Variants in DLGAP1 observed in about 807,000 individuals in gnomAD.
The protein encoded by DLGAP1 is disks large-associated protein 1.
A neutral mutation model predicts 90.8 loss-of-function variants in DLGAP1; 11 were observed. The observed-to-expected ratio is 0.12, with a 90% CI of 0.08 to 0.20. The LOEUF (loss-of-function observed/expected upper bound fraction) is 0.20. DLGAP1 is among the 10% of genes least tolerant of loss of function. DLGAP1 has a pLI of 1.00. For synonymous variants in DLGAP1, 558 were observed against 540.7 expected, an observed-to-expected ratio of 1.03 and a Z score of -0.44; for missense variants, 1,050 against 1,333.8, an observed-to-expected ratio of 0.79 and a Z score of 3.31.
In DLGAP1 at chr18:3,860,991, T is replaced by C. The variant is rs112019208; in HGVS notation, c.957+18121A>G. On this transcript the variant is annotated intron_variant, in intron 4 of 12. Coordinates refer to ENST00000315677, the MANE Select transcript of DLGAP1 (RefSeq NM_004746.4). Reference sequence around the variant, plus strand: ...TAAACTTCCCTATTCTTTGTTCAGATACCTTTATGCTTCTCCCTTTGCCCA... The same window carrying C: ...TAAACTTCCCTATTCTTTGTTCAGACACCTTTATGCTTCTCCCTTTGCCCA... Among the ~76,000 whole-genome samples the C allele has an allele frequency of 3.5e-3, 540 of 152,358 alleles. 1 individual carries two copies. The highest frequency in any genetic ancestry group is 0.012 in the African/African-American group (513 of 41,580).
chr18:4,015,762 G>C (rs2074512204), intron 2 of DLGAP1, among the ~76,000 whole-genome samples: 1 of 152,086 alleles, frequency 6.6e-6, no homozygotes, highest in Non-Finnish European at 1.5e-5. Flanking sequence ...CTTTGCTTCG[G>C]CTTTTAGGAA....
At chr18:3,594,628 C>T (rs2056475202) in intron 7 of DLGAP1, 1 of 152,100 alleles carries the variant, frequency 6.6e-6, no homozygotes, top group South Asian at 2.1e-4. Flanking sequence ...AGGGTTAAAC[C>T]TCTGGGTTGG....
chr18:4,180,406 C>T (rs1191820741), intron 1 of DLGAP1, among the ~76,000 whole-genome samples: 1 of 152,044 alleles, frequency 6.6e-6, no homozygotes, highest in Non-Finnish European at 1.5e-5. Flanking sequence ...TTACACTTTC[C>T]CAAAATTCCA....
At chr18:3,671,880 C>T (rs542364881) in intron 7 of DLGAP1, among the ~76,000 whole-genome samples, 1 of 152,276 alleles carries the variant, frequency 6.6e-6, no homozygotes, top group Non-Finnish European at 1.5e-5. Flanking sequence ...ATCATGCACC[C>T]CCTTGGGCAA....
intron 2 of DLGAP1, among the ~76,000 whole-genome samples, chr18:4,062,050 C>T (rs1039680938): frequency 6.6e-6 from 1 of 152,074 alleles, no homozygotes; most frequent in South Asian, 2.1e-4. Context: ...AATTAAGTAG[C>T]CAAAGTAATC....
intron 1 of DLGAP1, among the ~76,000 whole-genome samples, chr18:4,223,822 A>C (rs544981165): frequency 1.2e-4 from 18 of 152,356 alleles, no homozygotes; most frequent in African/African-American, 3.8e-4. Flanking sequence ...ACAGAGAAGT[A>C]GTCCAAAGAG....
At chr18:4,156,528 C>G (rs562329284) in intron 1 of DLGAP1, among the ~76,000 whole-genome samples, 1 of 152,160 alleles carries the variant, frequency 6.6e-6, no homozygotes, top group South Asian at 2.1e-4. Flanking sequence ...TGCAAGACAC[C>G]ATATCATACT....
chr18:4,064,557 TA>T (rs35796391), intron 2 of DLGAP1, among the ~76,000 whole-genome samples: 29,807 of 151,870 alleles, frequency 0.2, 2,932 homozygotes, highest in South Asian at 0.23. Context: ...CAGAGACTAT[TA>T]TGAACACCTT....
At chr18:4,138,848 C>T (rs1258656895) in intron 2 of DLGAP1, among the ~76,000 whole-genome samples, 2 of 151,840 alleles carry the variant, frequency 1.3e-5, no homozygotes, top group African/African-American at 4.8e-5. Context: ...TTTTGAAATT[C>T]TTCATGGTTC....
At chr18:3,900,324 C>T (rs2071753060) in intron 3 of DLGAP1, among the ~76,000 whole-genome samples, 1 of 152,218 alleles carries the variant, frequency 6.6e-6, no homozygotes, top group African/African-American at 2.4e-5. Context: ...TTCTCATCAG[C>T]TCCCTCCTCA....
rs868336971 is a variant in DLGAP1 at position 4,079,334 on chromosome 18, C to T, written c.-159+71846G>A. ...ACACACACACACACACACACACACA[C>T]ACCATGGAATACTAGTCAGCATACA... On this transcript the variant is annotated intron_variant, in intron 2 of 12. Transcript: ENST00000315677. Among the ~76,000 whole-genome samples, 10 of 134,434 alleles carry T rather than the reference C, an allele frequency of 7.4e-5. No individual in the cohort carries two copies. In the Admixed American group the frequency reaches 7.6e-4, roughly 10 times the overall value. 88.2% of individuals were successfully genotyped at this position (134,434 alleles called of 152,430 possible).
chr18:4,417,693 T>C (rs1357790773), intron 1 of DLGAP1, among the ~76,000 whole-genome samples: 1 of 151,974 alleles, frequency 6.6e-6, no homozygotes, highest in African/African-American at 2.4e-5. Flanking sequence ...AAAAAACCAA[T>C]TTCAGCTGAG....
intron 1 of DLGAP1, among the ~76,000 whole-genome samples, chr18:4,305,082 T>TG (rs2080216595): frequency 6.6e-6 from 1 of 152,142 alleles, no homozygotes; most frequent in African/African-American, 2.4e-5. Context: ...AAACAATATT[T>TG]TTGTTCCTAT....
intron 1 of DLGAP1, among the ~76,000 whole-genome samples, chr18:4,432,608 G>A (rs945079249): frequency 9.9e-5 from 15 of 151,912 alleles, no homozygotes; most frequent in Non-Finnish European, 1.5e-5. Context: ...GTGTGTGTGT[G>A]TGTGTGTGTG....
chr18:4,222,499 C>T (rs1521425), intron 1 of DLGAP1, among the ~76,000 whole-genome samples: 79,572 of 151,910 alleles, frequency 0.52, 21,310 homozygotes, highest in East Asian at 0.8. Flanking sequence ...GTTTGCTTTT[C>T]AGGTGATTCA....
intron 1 of DLGAP1, among the ~76,000 whole-genome samples, chr18:4,268,329 T>A (rs888431788): frequency 2.0e-5 from 3 of 152,366 alleles, no homozygotes; most frequent in Admixed American, 6.5e-5. Flanking sequence ...CAGTATTTTT[T>A]AATAATTTTA....
rs35653599 is a variant in DLGAP1, at chr18:3,664,183, T to TACACACACACAC, written c.1591+64940_1591+64951dup. On this transcript the variant is annotated intron_variant, in intron 7 of 12. Transcript: ENST00000315677. Reference sequence around the variant, plus strand: ...CAGCCTCCATAATTATGGGTCAGTATACACACACACACACACACACACACA... The same window carrying TACACACACACAC: ...CAGCCTCCATAATTATGGGTCAGTATACACACACACACACACACACACACACACACACACACA... Among the ~76,000 whole-genome samples the TACACACACACAC allele has an allele frequency of 8.8e-5, 12 of 135,740 alleles. No individual in the cohort carries two copies. In the East Asian group the frequency reaches 2.3e-3, roughly 26 times the overall value. 89.1% of individuals were successfully genotyped at this position (135,740 alleles called of 152,430 possible). A position where few individuals can be genotyped will look rare whatever the true frequency, so the allele number is the denominator to read the frequency against.
chr18:4,077,591 G>C (rs1253472850), intron 2 of DLGAP1, among the ~76,000 whole-genome samples: 6 of 152,214 alleles, frequency 3.9e-5, no homozygotes. Flanking sequence ...GACCCACCCT[G>C]CTTCCTCTCT....
chr18:3,995,361 ATAT>A (rs974294065), intron 3 of DLGAP1: 11 of 152,154 alleles, frequency 7.2e-5, no homozygotes, highest in African/African-American at 2.4e-4. Flanking sequence ...TAGGAACTAA[ATAT>A]TATACTGGCA....
Sources: gnomAD v4.1 joint callset for allele counts (sites outside exome capture counted in the v4.1 genomes callset) on GRCh38, gnomAD v4.1.1 for gene constraint, MANE v1.5 for transcripts, NCBI Gene and HGNC (gene_info 2026-07-23, HGNC 2026-07-21) for gene names.